Variants in REDIC1 observed in about 807,000 individuals in gnomAD.
REDIC1 encodes HEI10 Interacting Protein 1.
chr12:39,685,094 G>A, the REDIC1 span, among the ~76,000 whole-genome samples: 2 of 152,052 alleles, frequency 1.3e-5, no homozygotes, highest in East Asian at 3.8e-4. Flanking sequence ...TTATAGCTTA[G>A]ATCTAGAAAT....
chr12:39,703,231 CAA>C, the REDIC1 span, among the ~76,000 whole-genome samples: 1 of 151,710 alleles, frequency 6.6e-6, no homozygotes, highest in East Asian at 1.9e-4. Context: ...GCAACTTCAG[CAA>C]AGTCTCAGGA....
chr12:39,643,934 G>A, the REDIC1 span: 3 of 1,502,730 alleles, frequency 2.0e-6, no homozygotes, highest in Non-Finnish European at 2.7e-6. Context: ...CATTCCAATT[G>A]CATTCTGTTT....
At chr12:39,797,202 A>C in the REDIC1 span, among the ~76,000 whole-genome samples, 1 of 152,206 alleles carries the variant, frequency 6.6e-6, no homozygotes, top group Non-Finnish European at 1.5e-5. Flanking sequence ...AGCCTGATTT[A>C]AAGTAAGCAC....
At chr12:39,901,594 C>T in the REDIC1 span, among the ~76,000 whole-genome samples, 1 of 123,834 alleles carries the variant, frequency 8.1e-6, no homozygotes, top group African/African-American at 3.1e-5. Context: ...TGAAAAAATG[C>T]TCATCATCAC....
chr12:39,904,692 T>C, the REDIC1 span, among the ~76,000 whole-genome samples: 6 of 152,278 alleles, frequency 3.9e-5, no homozygotes, highest in East Asian at 1.2e-3. Flanking sequence ...CCTGTCCTTA[T>C]ATGCCCTGCT....
At chr12:39,887,536 T>C in the REDIC1 span, among the ~76,000 whole-genome samples, 2 of 152,178 alleles carry the variant, frequency 1.3e-5, no homozygotes, top group Non-Finnish European at 2.9e-5. Flanking sequence ...AGGCCCTCAC[T>C]CCTTGTGTGT....
At chr12:39,683,539 A>T in the REDIC1 span, 1 of 1,354,394 alleles carries the variant, frequency 7.4e-7, no homozygotes, top group Non-Finnish European at 1.0e-6. Flanking sequence ...ATGATGCATG[A>T]TGAATGTTGA....
At chr12:39,775,052 T>G in the REDIC1 span, among the ~76,000 whole-genome samples, 4 of 152,220 alleles carry the variant, frequency 2.6e-5, no homozygotes, top group Non-Finnish European at 5.9e-5. Flanking sequence ...ATATCTAAAG[T>G]GTATCCTTAG....
the REDIC1 span, among the ~76,000 whole-genome samples, chr12:39,653,394 A>G: frequency 6.6e-6 from 1 of 151,696 alleles, no homozygotes; most frequent in Non-Finnish European, 1.5e-5. Context: ...TGACAATTTT[A>G]TTATTCTAGT....
the REDIC1 span, among the ~76,000 whole-genome samples, chr12:39,630,648 T>G: frequency 3.9e-5 from 6 of 152,146 alleles, no homozygotes; most frequent in African/African-American, 1.4e-4. Flanking sequence ...AAATAAATAA[T>G]GTGAACCATA....
At chr12:39,755,569 A>G in the REDIC1 span, 1 of 152,052 alleles carries the variant, frequency 6.6e-6, no homozygotes, top group African/African-American at 2.4e-5. Flanking sequence ...CTTCTTTTTT[A>G]ACCTTTAAAT....
At chr12:39,784,204 C>T in the REDIC1 span, among the ~76,000 whole-genome samples, 471 of 152,262 alleles carry the variant, frequency 3.1e-3, 6 homozygotes, top group African/African-American at 0.011. Context: ...TGACTTTCTT[C>T]ACAGAATTGG....
chr12:39,704,188 A>G, the REDIC1 span, among the ~76,000 whole-genome samples: 1 of 152,048 alleles, frequency 6.6e-6, no homozygotes, highest in Non-Finnish European at 1.5e-5. Flanking sequence ...ACAAAGGGCT[A>G]ATATCCAGAA....
chr12:39,794,255 C>G, the REDIC1 span, among the ~76,000 whole-genome samples: 1 of 151,958 alleles, frequency 6.6e-6, no homozygotes, highest in Admixed American at 6.6e-5. Context: ...CCTATAAAAC[C>G]CCCTTATTCT....
chr12:39,797,740 A>ACATATACG, the REDIC1 span, among the ~76,000 whole-genome samples: 3 of 131,370 alleles, frequency 2.3e-5, no homozygotes, highest in African/African-American at 3.0e-5. Context: ...ACACACACAC[A>ACATATACG]CACACACACA....
At chr12:39,896,473 T>C in the REDIC1 span, among the ~76,000 whole-genome samples, 15 of 146,832 alleles carry the variant, frequency 1.0e-4, no homozygotes, top group South Asian at 2.6e-3. Context: ...TATACATATA[T>C]GTATATGTGT....
the REDIC1 span, chr12:39,721,166 A>C: frequency 6.2e-7 from 1 of 1,613,692 alleles, no homozygotes; most frequent in Admixed American, 1.7e-5. Flanking sequence ...TGTAGAAGTG[A>C]TGTTTCTCTT....
At chr12:39,716,601 C>G in the REDIC1 span, among the ~76,000 whole-genome samples, 1 of 151,926 alleles carries the variant, frequency 6.6e-6, no homozygotes, top group South Asian at 2.1e-4. Flanking sequence ...TGTAAGGTGC[C>G]AAGTATCCAC....
At chr12:39,707,354 CA>C in the REDIC1 span, among the ~76,000 whole-genome samples, 1 of 151,740 alleles carries the variant, frequency 6.6e-6, no homozygotes, top group Non-Finnish European at 1.5e-5. Flanking sequence ...CAAAGACAGG[CA>C]ATTACAAACG....
Sources: gnomAD v4.1 joint callset for allele counts (sites outside exome capture counted in the v4.1 genomes callset) on GRCh38, gnomAD v4.1.1 for gene constraint, MANE v1.5 for transcripts, NCBI Gene and HGNC (gene_info 2026-07-23, HGNC 2026-07-21) for gene names.